DNAAF11: variants seen among roughly 807,000 people sequenced by gnomAD.
DNAAF11 encodes leucine rich repeat containing 6.
DNAAF11 carries 45 observed loss-of-function variants against 60.8 expected under a neutral mutation model. The observed-to-expected ratio is 0.74, with a 90% CI of 0.58 to 0.95. DNAAF11 has a LOEUF of 0.95. Among genes scored for constraint, DNAAF11 ranks in the 40% least tolerant of loss-of-function variants. DNAAF11 has a pLI of 0.00. For synonymous variants in DNAAF11, 191 were observed against 183.5 expected, an observed-to-expected ratio of 1.04 and a Z score of -0.33; for missense variants, 546 against 546.2, an observed-to-expected ratio of 1.00 and a Z score of 0.00.
intron 3 of DNAAF11, among the ~76,000 whole-genome samples, chr8:132,651,580 AG>A: frequency 6.6e-6 from 1 of 152,146 alleles, no homozygotes; most frequent in Non-Finnish European, 1.5e-5. Flanking sequence ...AAAAGGCAGG[AG>A]GGGGGTTGGC....
chr8:132,693,841 G>A, the DNAAF11 span, among the ~76,000 whole-genome samples: 1 of 152,148 alleles, frequency 6.6e-6, no homozygotes, highest in South Asian at 2.1e-4. Context: ...AGGGCATGGT[G>A]ACCCACCTGC....
chr8:132,677,826 G>T (rs1825811414), upstream of DNAAF11, among the ~76,000 whole-genome samples: 1 of 152,152 alleles, frequency 6.6e-6, no homozygotes, highest in South Asian at 2.1e-4. Flanking sequence ...GCATTCTTCT[G>T]AGGAAAGGAG....
chr8:132,634,647 GATATAA>G (rs1362249254), intron 4 of DNAAF11, among the ~76,000 whole-genome samples: 1 of 150,776 alleles, frequency 6.6e-6, no homozygotes, highest in Admixed American at 6.6e-5. Flanking sequence ...TAAATACACT[GATATAA>G]ATATATGAAT....
At chr8:132,674,817 G>A (rs1296873169) in intron 1 of DNAAF11, among the ~76,000 whole-genome samples, 1 of 152,248 alleles carries the variant, frequency 6.6e-6, no homozygotes, top group African/African-American at 2.4e-5. Context: ...GAACCCGGGA[G>A]GCGGAGGCTG....
intron 3 of DNAAF11, 76 bp from the exon 4 acceptor site, chr8:132,638,183 A>G: frequency 9.3e-7 from 1 of 1,071,602 alleles, no homozygotes; most frequent in Non-Finnish European, 1.4e-6. Context: ...GTAACATCAC[A>G]TAACAGAAGT....
At chr8:132,617,063 G>A (rs977400966) in intron 7 of DNAAF11, among the ~76,000 whole-genome samples, 1 of 152,096 alleles carries the variant, frequency 6.6e-6, no homozygotes, top group African/African-American at 2.4e-5. Flanking sequence ...CAGATGAATG[G>A]GTACAATTAT....
intron 7 of DNAAF11, among the ~76,000 whole-genome samples, chr8:132,618,364 T>C (rs1819397660): frequency 8.9e-6 from 1 of 112,220 alleles, no homozygotes; most frequent in South Asian, 3.6e-4. Context: ...ACCTAGGCAT[T>C]ACCATTCAGG....
At chr8:132,634,790 TA>T (rs1821131999) in intron 4 of DNAAF11, among the ~76,000 whole-genome samples, 1 of 148,456 alleles carries the variant, frequency 6.7e-6, no homozygotes, top group Non-Finnish European at 1.5e-5. Flanking sequence ...AATTTATATA[TA>T]AATATATATT....
chr8:132,611,861 C>A (rs1365171445), intron 8 of DNAAF11, among the ~76,000 whole-genome samples: 2 of 152,094 alleles, frequency 1.3e-5, no homozygotes, highest in African/African-American at 2.4e-5. Context: ...AATAAGCAAA[C>A]CCTTCTGTTT....
At chr8:132,610,302 C>T (rs370931330) in intron 9 of DNAAF11, 41 bp from the exon 10 acceptor site, 50 of 1,356,544 alleles carry the variant, frequency 3.7e-5, no homozygotes, top group African/African-American at 1.6e-4. Flanking sequence ...AGAGCAAGGA[C>T]GTTACATGAG....
At chr8:132,599,681 T>C (rs1817396632) in intron 10 of DNAAF11, among the ~76,000 whole-genome samples, 1 of 152,196 alleles carries the variant, frequency 6.6e-6, no homozygotes, top group Non-Finnish European at 1.5e-5. Context: ...AACCACAGGA[T>C]TATCTCAATA....
Position 132,572,394 on chromosome 8 carries a change from G to T in DNAAF11, c.1313C>A (p.Thr438Lys). Residue 438 changes from threonine (T) to lysine (K), a missense_variant, in exon 12 of 12, where the codon ACA becomes AAA. Physicochemically the swap from Thr to Lys is moderately conservative, Grantham distance 78. Transcript: ENST00000620350. The part of the protein sequence containing the change: ...VTNIVQEKKH[T>K]PRRRPEPKII... Reference sequence around the variant, plus strand: ...TTTGGGTTCAGGTCGTCTTCTGGGTGTGTGTTTTTTCTCTTGAACTATGTT... The same window carrying T: ...TTTGGGTTCAGGTCGTCTTCTGGGTTTGTGTTTTTTCTCTTGAACTATGTT... 1 of 1,613,778 alleles carries T rather than the reference G, an allele frequency of 6.2e-7. No individual in the cohort carries two copies.
chr8:132,605,955 G>T lies in DNAAF11; in HGVS notation c.1140+4211C>A, dbSNP rs189855867. Among the ~76,000 whole-genome samples the T allele has an allele frequency of 4.2e-3, 626 of 149,658 alleles. 13 individuals are homozygous for T. The highest frequency in any genetic ancestry group is 0.015 in the African/African-American group (590 of 40,082). Reference sequence around the variant, plus strand: ...GTCAGGGACATAATGGGGTCGGGGGGACAGGTTATCAGGGGACTCTGCCTT... The same window carrying T: ...GTCAGGGACATAATGGGGTCGGGGGTACAGGTTATCAGGGGACTCTGCCTT... On this transcript the variant is annotated intron_variant, in intron 10 of 11. Coordinates refer to ENST00000620350, the MANE Select transcript of DNAAF11 (RefSeq NM_012472.6).
intron 1 of DNAAF11, among the ~76,000 whole-genome samples, chr8:132,670,182 GAAAAA>G (rs918406499): frequency 6.6e-6 from 1 of 151,400 alleles, no homozygotes; most frequent in Non-Finnish European, 1.5e-5. Context: ...ATGAAAAGCA[GAAAAA>G]AATAGAGAAA....
At chr8:132,649,067 C>T (rs1822717759) in intron 3 of DNAAF11, among the ~76,000 whole-genome samples, 1 of 152,138 alleles carries the variant, frequency 6.6e-6, no homozygotes, top group Non-Finnish European at 1.5e-5. Context: ...CAAGACAATC[C>T]TAAGCAAAAA....
Position 132,632,737 on chromosome 8 carries a change from T to C in DNAAF11, c.653+3A>G, listed in dbSNP as rs1028504004. ...CTAGAAAGTAAACTAATAATTTACA[T>C]ACAGAGTAGCATTGATGTCTGTGTA... On this transcript the variant is annotated splice_donor_region_variant and intron_variant, in intron 5 of 11. Transcript: ENST00000620350. 1 of 1,596,698 alleles carries C rather than the reference T, an allele frequency of 6.3e-7. No homozygotes were observed. Among genetic ancestry groups the C allele is most frequent in the African/African-American group, 1.3e-5 (1 of 74,650 alleles).
rs1214818425 is a variant in DNAAF11 at position 132,611,334 on chromosome 8, T to G, written c.1004A>C (p.Asp335Ala). 6.2e-7 allele frequency: 1 copy of G among 1,611,340 alleles called. No homozygotes were observed. Reference sequence around the variant, plus strand: ...TACTCGCACGTAAGTTGGTTGCACATCAACATCGATTAAAGAGGTATCCAT... The same window carrying G: ...TACTCGCACGTAAGTTGGTTGCACAGCAACATCGATTAAAGAGGTATCCAT... ...RYMDTSLIDV[D>A]VQPTYVRVMI... Residue 335 changes from aspartate to alanine, a missense_variant, in exon 9 of 12, where the codon GAT becomes GCT. Transcript: ENST00000620350.
chr8:132,692,276 C>T, the DNAAF11 span, among the ~76,000 whole-genome samples: 1 of 152,106 alleles, frequency 6.6e-6, no homozygotes, highest in East Asian at 1.9e-4. Context: ...CAAGGATGAC[C>T]ACCCAAGTCA....
At chr8:132,691,149 A>C in the DNAAF11 span, among the ~76,000 whole-genome samples, 34 of 152,114 alleles carry the variant, frequency 2.2e-4, 2 homozygotes, top group Admixed American at 7.9e-4. Flanking sequence ...AGAAGAGTTT[A>C]TTCTTCTCCA....
Sources: gnomAD v4.1 joint callset for allele counts (sites outside exome capture counted in the v4.1 genomes callset) on GRCh38, gnomAD v4.1.1 for gene constraint, MANE v1.5 for transcripts, NCBI Gene and HGNC (gene_info 2026-07-23, HGNC 2026-07-21) for gene names.